The following THSD7B variants were observed in gnomAD, a reference collection of about 807,000 sequenced individuals.
THSD7B encodes the protein thrombospondin type-1 domain-containing protein 7B.
A neutral mutation model predicts 213.6 loss-of-function variants in THSD7B; 138 were observed. The ratio of observed to expected loss-of-function variants is 0.65; its 90% CI spans 0.56 to 0.74. THSD7B has a LOEUF of 0.74. THSD7B is among the 30% of genes least tolerant of loss of function. The pLI, the probability that THSD7B is intolerant of heterozygous loss-of-function variation, is 0.00. For synonymous variants in THSD7B, 742 were observed against 687.0 expected (o/e 1.08, Z -1.25); for missense variants, 1,931 against 1,991.5 (o/e 0.97, Z 0.58).
chr2:137,115,708 G>A (rs540532912), intron 5 of THSD7B, among the ~76,000 whole-genome samples: 5 of 152,208 alleles, frequency 3.3e-5, no homozygotes, highest in South Asian at 2.1e-4. Flanking sequence ...CCTTTCAAAT[G>A]TCAAGGATCC....
chr2:136,966,688 G>C (rs1685320176), intron 2 of THSD7B, among the ~76,000 whole-genome samples: 1 of 152,202 alleles, frequency 6.6e-6, no homozygotes, highest in Non-Finnish European at 1.5e-5. Flanking sequence ...TTCAGCCGAT[G>C]ACAAAAATCT....
intron 14 of THSD7B, among the ~76,000 whole-genome samples, chr2:137,423,016 C>A (rs564818157): frequency 6.6e-6 from 1 of 152,166 alleles, no homozygotes; most frequent in Admixed American, 6.5e-5. Flanking sequence ...GTACAACTTT[C>A]TTCGTACCTA....
Position 137,366,215 on chromosome 2 carries a change from G to A in THSD7B, c.2501-39398G>A, listed in dbSNP as rs1685403667. Among the ~76,000 whole-genome samples, 4 of 152,046 alleles carry A rather than the reference G, an allele frequency of 2.6e-5. No individual in the cohort carries two copies. The South Asian group carries it at 6.2e-4, about 24-fold the overall frequency. The stretch of plus-strand genomic sequence containing the variant: ...ATGAGAATACTTGGACACAGGGTGG[G>A]GAACATCACACACTGGAGCCTGTCA... On this transcript the variant is annotated intron_variant, in intron 12 of 27. Coordinates refer to ENST00000409968, the MANE Select transcript of THSD7B (RefSeq NM_001316349.2).
chr2:137,305,784 T>G (rs1240597976), intron 12 of THSD7B, among the ~76,000 whole-genome samples: 5 of 152,074 alleles, frequency 3.3e-5, no homozygotes, highest in Non-Finnish European at 5.9e-5. Flanking sequence ...CTTTAGGTGA[T>G]TCTGCTGTTG....
chr2:137,429,688 C>CT (rs2105038010), intron 14 of THSD7B, among the ~76,000 whole-genome samples: 1 of 152,200 alleles, frequency 6.6e-6, no homozygotes, highest in African/African-American at 2.4e-5. Context: ...AATATTTAAT[C>CT]TGAGTTTTGA....
At chr2:137,368,205 A>G (rs1431832582) in intron 12 of THSD7B, among the ~76,000 whole-genome samples, 1 of 152,074 alleles carries the variant, frequency 6.6e-6, no homozygotes, top group African/African-American at 2.4e-5. Flanking sequence ...TTAAAGAGGG[A>G]TGGACTTTGG....
At chr2:137,059,275 C>A (rs558073781) in intron 3 of THSD7B, among the ~76,000 whole-genome samples, 142 of 152,222 alleles carry the variant, frequency 9.3e-4, no homozygotes, top group African/African-American at 3.2e-3. Flanking sequence ...TTCCCATATT[C>A]AAAATGGAGG....
intron 2 of THSD7B, among the ~76,000 whole-genome samples, chr2:136,923,780 T>C (rs1684476567): frequency 6.6e-6 from 1 of 152,204 alleles, no homozygotes; most frequent in South Asian, 2.1e-4. Context: ...TTCAAGTTCT[T>C]TACCTATTTT....
rs192500354 is a variant in THSD7B at position 137,580,689 on chromosome 2, A to G, written c.3423+8133A>G. On this transcript the variant is annotated intron_variant, in intron 17 of 27. Coordinates refer to ENST00000409968, the MANE Select transcript of THSD7B (RefSeq NM_001316349.2). Reference sequence around the variant, plus strand: ...TGGGTAATTTATAAGAAAGAGGTTTAATTGGCTTACAGTCCTGCAAGCTGT... The same window carrying G: ...TGGGTAATTTATAAGAAAGAGGTTTGATTGGCTTACAGTCCTGCAAGCTGT... 3.4e-4 allele frequency among the ~76,000 whole-genome samples: 52 copies of G among 152,336 alleles called. No individual in the cohort carries two copies. In the East Asian group the frequency reaches 6.0e-3, roughly 18 times the overall value.
chr2:137,616,716 G>A (rs1412774956), intron 18 of THSD7B, among the ~76,000 whole-genome samples: 1 of 152,168 alleles, frequency 6.6e-6, no homozygotes, highest in Admixed American at 6.5e-5. Context: ...AGCTTGTGAG[G>A]TACTTTCTGT....
intron 17 of THSD7B, among the ~76,000 whole-genome samples, chr2:137,582,189 G>A (rs1446347987): frequency 1.3e-5 from 2 of 152,036 alleles, no homozygotes; most frequent in Non-Finnish European, 2.9e-5. Flanking sequence ...AGGACGTTCT[G>A]GTTCAAGATG....
At chr2:137,537,513 A>C (rs1680529263) in intron 15 of THSD7B, among the ~76,000 whole-genome samples, 1 of 151,718 alleles carries the variant, frequency 6.6e-6, no homozygotes, top group East Asian at 1.9e-4. Flanking sequence ...CTGGTTGCAA[A>C]CAACCATCAT....
intron 2 of THSD7B, among the ~76,000 whole-genome samples, chr2:136,976,673 G>T (rs1006944913): frequency 6.6e-6 from 1 of 150,880 alleles, no homozygotes; most frequent in Non-Finnish European, 1.5e-5. Flanking sequence ...TCGCTCTGTC[G>T]CTCAGTGGTA....
rs142102210 is a variant in THSD7B, at chr2:137,676,290, A to G, written c.4740-234A>G. On this transcript the variant is annotated intron_variant, in intron 27 of 27. Coordinates refer to ENST00000409968, the MANE Select transcript of THSD7B (RefSeq NM_001316349.2). The stretch of plus-strand genomic sequence containing the variant: ...AATATAAAAGGAAAACAACTCTTCT[A>G]CTAAGTTCCTTCATTCCACTAAACC... Among the ~76,000 whole-genome samples, 112 of 152,326 alleles carry G rather than the reference A, an allele frequency of 7.4e-4. 2 individuals are homozygous for G. The highest frequency in any genetic ancestry group is 2.6e-3 in the African/African-American group (108 of 41,568).
At chr2:137,515,597 G>T (rs1680052627) in intron 15 of THSD7B, among the ~76,000 whole-genome samples, 1 of 152,142 alleles carries the variant, frequency 6.6e-6, no homozygotes, top group South Asian at 2.1e-4. Flanking sequence ...GGATATTAAG[G>T]GTGTGGAATG....
Position 137,311,576 on chromosome 2 carries a change from C to G in THSD7B, c.2500+35550C>G, listed in dbSNP as rs552320401. ...GAGTGGTGAGAGAGGGCATCCCTCT[C>G]TTGTGCCCGTTTTCAAAGGGAATAC... On this transcript the variant is annotated intron_variant, in intron 12 of 27. Coordinates refer to ENST00000409968, the MANE Select transcript of THSD7B (RefSeq NM_001316349.2). Among the ~76,000 whole-genome samples, 3 of 152,244 alleles carry G rather than the reference C, an allele frequency of 2.0e-5. No individual in the cohort carries two copies. In the East Asian group the frequency reaches 5.8e-4, roughly 29 times the overall value.
intron 20 of THSD7B, among the ~76,000 whole-genome samples, chr2:137,626,475 A>AG (rs1337064206): frequency 2.0e-5 from 3 of 147,890 alleles, no homozygotes; most frequent in South Asian, 2.1e-4. Flanking sequence ...AAAAAAAAAA[A>AG]AAAAAGAAAA....
chr2:136,905,063 A>G (rs1446369998), intron 2 of THSD7B, among the ~76,000 whole-genome samples: 1 of 152,202 alleles, frequency 6.6e-6, no homozygotes, highest in African/African-American at 2.4e-5. Flanking sequence ...TGGGAACCTT[A>G]TGAACTATGT....
intron 2 of THSD7B, among the ~76,000 whole-genome samples, chr2:136,983,811 C>T (rs1351518336): frequency 6.6e-6 from 1 of 152,178 alleles, no homozygotes; most frequent in Non-Finnish European, 1.5e-5. Flanking sequence ...TGGTAAGTCC[C>T]TCCTTTCAGG....
Sources: allele counts gnomAD v4.1 joint callset (sites outside exome capture counted in the v4.1 genomes callset), GRCh38; gene constraint gnomAD v4.1.1; transcripts MANE v1.5; gene names NCBI Gene and HGNC (gene_info 2026-07-23, HGNC 2026-07-21).